DAB1: variants seen among roughly 807,000 people sequenced by gnomAD.
The protein encoded by DAB1 is disabled homolog 1.
In DAB1, 15 loss-of-function variants were observed where a neutral mutation model predicts 64.6. That is an observed-to-expected ratio of 0.23 (90% confidence interval 0.16 to 0.36). DAB1 has a LOEUF of 0.36. Among genes scored for constraint, DAB1 ranks in the 10% least tolerant of loss-of-function variants. DAB1 has a pLI of 1.00. For missense variants in DAB1, 596 were observed against 706.7 expected, an observed-to-expected ratio of 0.84 and a Z score of 1.78; for synonymous variants, 235 against 251.9, an observed-to-expected ratio of 0.93 and a Z score of 0.64.
chr1:58,536,670 T>C, intron 1 of DAB1: 1 of 872,832 alleles, frequency 1.1e-6, no homozygotes, highest in Non-Finnish European at 2.0e-6. Flanking sequence ...CTTCCATTTA[T>C]TCTTCCTTAT....
At chr1:58,319,542 T>A (rs1662636586) in intron 4 of DAB1, among the ~76,000 whole-genome samples, 1 of 152,248 alleles carries the variant, frequency 6.6e-6, no homozygotes, top group Non-Finnish European at 1.5e-5. Context: ...ACAATTCCTT[T>A]ATTCTTTTCT....
At chr1:58,095,590 A>G (rs1024579868) in intron 5 of DAB1, among the ~76,000 whole-genome samples, 7 of 152,144 alleles carry the variant, frequency 4.6e-5, no homozygotes, top group Admixed American at 3.3e-4. Flanking sequence ...TTCTTTCCCT[A>G]TCACTCTCAG....
At chr1:57,381,837 G>C (rs976360048) in intron 1 of DAB1, among the ~76,000 whole-genome samples, 9 of 152,120 alleles carry the variant, frequency 5.9e-5, no homozygotes, top group African/African-American at 1.9e-4. Context: ...CAGAGCTGAT[G>C]GTGTGAAATT....
chr1:57,832,697 T>TG (rs938119438), intron 1 of DAB1, among the ~76,000 whole-genome samples: 19 of 152,104 alleles, frequency 1.2e-4, no homozygotes, highest in East Asian at 1.9e-4. Context: ...ATTCAATTTC[T>TG]GGGGGGGCAA....
At chr1:57,590,823 T>G (rs1645438415) in intron 7 of DAB1, among the ~76,000 whole-genome samples, 1 of 150,822 alleles carries the variant, frequency 6.6e-6, no homozygotes, top group South Asian at 2.1e-4. Flanking sequence ...ACAATTTCAC[T>G]TCTAGAATAT....
chr1:57,990,162 C>G lies in DAB1; in HGVS notation n.388-106000G>C, dbSNP rs147865049. 1.6e-3 allele frequency among the ~76,000 whole-genome samples: 243 copies of G among 152,214 alleles called. 2 individuals carry two copies. The highest frequency in any genetic ancestry group is 3.1e-3 in the South Asian group (15 of 4,814). ...CTCCTCAGCTCCCAGGAAATGGTGTCTAAGGGTGATGATGAACTGGGACTT... is the reference window on the plus strand; with the variant it reads ...CTCCTCAGCTCCCAGGAAATGGTGTGTAAGGGTGATGATGAACTGGGACTT... On this transcript the variant is annotated intron_variant and non_coding_transcript_variant, in intron 5 of 20. Transcript: ENST00000485760.
At chr1:57,539,637 G>A (rs542687459) in intron 7 of DAB1, among the ~76,000 whole-genome samples, 6 of 152,238 alleles carry the variant, frequency 3.9e-5, no homozygotes, top group African/African-American at 2.4e-5. Context: ...AAAATTACTT[G>A]CTTTATTTTT....
chr1:57,350,135 T>C (rs1436449830), intron 1 of DAB1, among the ~76,000 whole-genome samples: 1 of 152,220 alleles, frequency 6.6e-6, no homozygotes, highest in Non-Finnish European at 1.5e-5. Context: ...ATAGAGAATG[T>C]ACCACATGCT....
intron 4 of DAB1, among the ~76,000 whole-genome samples, chr1:58,311,505 C>G (rs1199591564): frequency 6.6e-6 from 1 of 152,154 alleles, no homozygotes; most frequent in Non-Finnish European, 1.5e-5. Flanking sequence ...TCTACCATTC[C>G]CAGGCAGTTC....
At chr1:57,804,544 G>A (rs1651276050) in intron 6 of DAB1, among the ~76,000 whole-genome samples, 2 of 152,194 alleles carry the variant, frequency 1.3e-5, no homozygotes, top group African/African-American at 4.8e-5. Flanking sequence ...CAAAACAGAT[G>A]TGTAAGAGTT....
chr1:58,439,061 C>T (rs1389158360), intron 3 of DAB1, among the ~76,000 whole-genome samples: 1 of 152,016 alleles, frequency 6.6e-6, no homozygotes, highest in Non-Finnish European at 1.5e-5. Flanking sequence ...GGTCTATATC[C>T]CAAGCAGCAG....
chr1:57,452,103 C>T (rs113307236), intron 7 of DAB1, among the ~76,000 whole-genome samples: 11 of 148,788 alleles, frequency 7.4e-5, no homozygotes, highest in African/African-American at 2.7e-4. Context: ...TGGTACTTAC[C>T]TTGAATAAAT....
intron 6 of DAB1, among the ~76,000 whole-genome samples, chr1:57,680,052 A>G (rs1429931368): frequency 6.6e-6 from 1 of 152,254 alleles, no homozygotes; most frequent in Non-Finnish European, 1.5e-5. Flanking sequence ...TGATGGAAAT[A>G]GCAATGTGGT....
intron 5 of DAB1, among the ~76,000 whole-genome samples, chr1:57,896,558 G>T (rs2101988926): frequency 6.6e-6 from 1 of 152,226 alleles, no homozygotes; most frequent in East Asian, 1.9e-4. Flanking sequence ...CAGTGGAGTG[G>T]TAAGGGACCA....
At chr1:57,761,797 G>A (rs936369067) in intron 6 of DAB1, among the ~76,000 whole-genome samples, 2 of 152,192 alleles carry the variant, frequency 1.3e-5, no homozygotes, top group Non-Finnish European at 2.9e-5. Context: ...ACATCTCCTC[G>A]TGGCATCAAA....
At chr1:57,910,370 G>A (rs1327020348) in intron 5 of DAB1, among the ~76,000 whole-genome samples, 1 of 152,170 alleles carries the variant, frequency 6.6e-6, no homozygotes, top group East Asian at 1.9e-4. Context: ...TCTCCAAGAG[G>A]CATGGCTCCA....
At chr1:57,211,542 T>G (rs1284013708) in intron 2 of DAB1, among the ~76,000 whole-genome samples, 1 of 152,180 alleles carries the variant, frequency 6.6e-6, no homozygotes, top group Admixed American at 6.5e-5. Context: ...AGACACCACT[T>G]AACCCTTGTG....
At chr1:58,343,131 G>A (rs915288212) in intron 4 of DAB1, among the ~76,000 whole-genome samples, 1 of 152,106 alleles carries the variant, frequency 6.6e-6, no homozygotes, top group Non-Finnish European at 1.5e-5. Context: ...CAGGTCTGCA[G>A]GTCTATAATG....
At chr1:58,167,349 C>T (rs1436673905) in intron 4 of DAB1, among the ~76,000 whole-genome samples, 1 of 151,762 alleles carries the variant, frequency 6.6e-6, no homozygotes, top group Non-Finnish European at 1.5e-5. Context: ...GTAAATGCAC[C>T]AATCAGCACT....
Sources: gnomAD v4.1 joint callset for allele counts (sites outside exome capture counted in the v4.1 genomes callset) on GRCh38, gnomAD v4.1.1 for gene constraint, MANE v1.5 for transcripts, NCBI Gene and HGNC (gene_info 2026-07-23, HGNC 2026-07-21) for gene names.